CSMD1: variants seen among roughly 807,000 people sequenced by gnomAD.
CSMD1 encodes CUB and sushi domain-containing protein 1.
In CSMD1, 213 loss-of-function variants were observed where a neutral mutation model predicts 417.5. The observed-to-expected ratio is 0.51, with a 90% CI of 0.46 to 0.57. The LOEUF (loss-of-function observed/expected upper bound fraction) is 0.57, where lower values mean the gene tolerates loss of function less well. Among genes scored for constraint, CSMD1 ranks in the 20% least tolerant of loss-of-function variants. The pLI is 0.00. For missense variants in CSMD1, 6,923 were observed against 4,529.7 expected, an observed-to-expected ratio of 1.53 and a Z score of -15.17; for synonymous variants, 2,862 against 1,736.8, an observed-to-expected ratio of 1.65 and a Z score of -16.11.
chr8:3,820,523 T>A (rs971618516), intron 5 of CSMD1, among the ~76,000 whole-genome samples: 1 of 152,190 alleles, frequency 6.6e-6, no homozygotes, highest in Non-Finnish European at 1.5e-5. Flanking sequence ...TGACATCTCC[T>A]ATGGTAACAA....
In CSMD1 at chr8:3,781,679, T is replaced by C. The variant is rs139850673; in HGVS notation, c.819-27637A>G. On this transcript the variant is annotated intron_variant, in intron 5 of 69. Transcript: ENST00000635120. ...TGAATGGCAGGTGCCTAGGTTTCCA[T>C]CCTGGACTCCAGCCTACGGAGGTTC... Among the ~76,000 whole-genome samples the C allele has an allele frequency of 3.7e-4, 57 of 152,314 alleles. No homozygotes were observed. The East Asian group carries it at 0.011, about 29-fold the overall frequency.
At chr8:4,443,853 A>C (rs904350825) in intron 2 of CSMD1, among the ~76,000 whole-genome samples, 2 of 152,228 alleles carry the variant, frequency 1.3e-5, no homozygotes, top group Non-Finnish European at 2.9e-5. Flanking sequence ...TCTGGGTAAC[A>C]AAGTTGACAT....
chr8:3,948,377 A>G (rs1452009431), intron 5 of CSMD1, among the ~76,000 whole-genome samples: 1 of 152,204 alleles, frequency 6.6e-6, no homozygotes, highest in Non-Finnish European at 1.5e-5. Flanking sequence ...CTTTGGAAGC[A>G]CTGATGCATA....
At chr8:3,200,872 G>A (rs760665874) in intron 32 of CSMD1, among the ~76,000 whole-genome samples, 14 of 152,072 alleles carry the variant, frequency 9.2e-5, no homozygotes, top group African/African-American at 9.7e-5. Context: ...GACGCATATC[G>A]TTTACTAGGC....
chr8:4,752,561 G>C (rs1563294303), intron 1 of CSMD1, among the ~76,000 whole-genome samples: 1 of 152,148 alleles, frequency 6.6e-6, no homozygotes, highest in Non-Finnish European at 1.5e-5. Flanking sequence ...CAGATGCACA[G>C]AGTGAAAACG....
chr8:4,559,039 C>T (rs887664555), intron 2 of CSMD1, among the ~76,000 whole-genome samples: 2 of 152,070 alleles, frequency 1.3e-5, no homozygotes, highest in Admixed American at 1.3e-4. Context: ...CAAAGTCCCC[C>T]TTTGGAGCCC....
At chr8:4,686,022 A>G (rs879350835) in intron 1 of CSMD1, among the ~76,000 whole-genome samples, 2 of 152,196 alleles carry the variant, frequency 1.3e-5, no homozygotes, top group Non-Finnish European at 2.9e-5. Context: ...TTAATTCCAC[A>G]GTTGTTTTAT....
intron 5 of CSMD1, among the ~76,000 whole-genome samples, chr8:3,791,963 G>A (rs1799769531): frequency 1.3e-5 from 2 of 152,154 alleles, no homozygotes; most frequent in South Asian, 4.1e-4. Context: ...TTATCCTTCA[G>A]ACACATCACT....
chr8:4,929,510 C>A (rs1807093663), intron 1 of CSMD1, among the ~76,000 whole-genome samples: 1 of 152,264 alleles, frequency 6.6e-6, no homozygotes, highest in Admixed American at 6.5e-5. Context: ...CAGGGAACTC[C>A]TGTCTTGATA....
chr8:3,665,321 G>T (rs928810310), intron 7 of CSMD1, among the ~76,000 whole-genome samples: 8 of 152,160 alleles, frequency 5.3e-5, no homozygotes, highest in Non-Finnish European at 1.0e-4. Context: ...CCTGAGGTCA[G>T]GAGTTCGAGA....
chr8:4,436,746 T>A (rs1798170412), intron 2 of CSMD1, among the ~76,000 whole-genome samples: 1 of 152,132 alleles, frequency 6.6e-6, no homozygotes, highest in Admixed American at 6.6e-5. Context: ...GATTTTTAGA[T>A]CCCACAAATA....
intron 3 of CSMD1, among the ~76,000 whole-genome samples, chr8:4,298,295 G>C (rs760180562): frequency 3.9e-5 from 6 of 152,262 alleles, no homozygotes; most frequent in East Asian, 3.9e-4. Flanking sequence ...AATAATGTTT[G>C]ATTCCTTTAC....
Position 4,925,480 on chromosome 8 carries a change from G to A in CSMD1, c.85+68852C>T, listed in dbSNP as rs138530605. On this transcript the variant is annotated intron_variant, in intron 1 of 69. Coordinates refer to ENST00000635120, the MANE Select transcript of CSMD1 (RefSeq NM_033225.6). ...TCAACCATAAAATATTTAAAACTCA[G>A]TAATTTCTAGTCTTGTGTTCCTTAT... Among the ~76,000 whole-genome samples, 876 of 151,452 alleles carry A rather than the reference G, an allele frequency of 5.8e-3. 8 individuals carry two copies. The highest frequency in any genetic ancestry group is 0.02 in the African/African-American group (828 of 41,292).
At chr8:3,503,644 T>C (rs901680859) in intron 10 of CSMD1, among the ~76,000 whole-genome samples, 1 of 152,214 alleles carries the variant, frequency 6.6e-6, no homozygotes, top group Admixed American at 6.5e-5. Context: ...CTCTTTGTGC[T>C]GCCCTGCTAC....
intron 10 of CSMD1, among the ~76,000 whole-genome samples, chr8:3,558,583 G>GTGCTTCAGTAGTACCCC (rs1563152899): frequency 3.0e-5 from 3 of 100,222 alleles, no homozygotes; most frequent in Non-Finnish European, 6.6e-5. Context: ...AATGATGAAT[G>GTGCTTCAGTAGTACCCC]GTGTCTCAAT....
At chr8:3,523,315 T>A (rs1041449722) in intron 10 of CSMD1, among the ~76,000 whole-genome samples, 8 of 152,202 alleles carry the variant, frequency 5.3e-5, no homozygotes, top group African/African-American at 1.7e-4. Flanking sequence ...TTTGCTTTAC[T>A]AAATTATTTT....
At chr8:4,756,104 C>A (rs898118208) in intron 1 of CSMD1, among the ~76,000 whole-genome samples, 5 of 152,102 alleles carry the variant, frequency 3.3e-5, no homozygotes, top group African/African-American at 1.2e-4. Flanking sequence ...CCAAAAAATT[C>A]TTTTTCACAG....
intron 2 of CSMD1, among the ~76,000 whole-genome samples, chr8:4,456,059 CAAAAAAAAA>C (rs34519287): frequency 2.5e-5 from 3 of 118,470 alleles, no homozygotes; most frequent in Admixed American, 1.7e-4. Flanking sequence ...TATCATTGAC[CAAAAAAAAA>C]AAAAAAAAAA....
chr8:3,324,417 T>A (rs1231015122), intron 23 of CSMD1, among the ~76,000 whole-genome samples: 1 of 136,856 alleles, frequency 7.3e-6, no homozygotes, highest in Non-Finnish European at 1.5e-5. Flanking sequence ...ACTGTTAAAA[T>A]AGGCCCACAC....
Sources: allele counts gnomAD v4.1 joint callset (sites outside exome capture counted in the v4.1 genomes callset), GRCh38; gene constraint gnomAD v4.1.1; transcripts MANE v1.5; gene names NCBI Gene and HGNC (gene_info 2026-07-23, HGNC 2026-07-21).